Variants in KAZN observed in about 807,000 individuals in gnomAD.
KAZN encodes the protein kazrin, periplakin interacting protein, also known as kazrin.
In KAZN, 40 loss-of-function variants were observed where a neutral mutation model predicts 87.4. The ratio of observed to expected loss-of-function variants is 0.46; its 90% CI spans 0.36 to 0.60. KAZN has a LOEUF of 0.60. KAZN is among the 20% of genes least tolerant of loss of function. KAZN has a pLI of 0.00. For synonymous variants in KAZN, 466 were observed against 458.3 expected (o/e 1.02, Z -0.22); for missense variants, 898 against 1,073.9 (o/e 0.84, Z 2.29).
intron 2 of KAZN, among the ~76,000 whole-genome samples, chr1:14,311,263 A>G (rs1443640787): frequency 1.3e-5 from 2 of 152,122 alleles, no homozygotes; most frequent in African/African-American, 2.4e-5. Context: ...CTTATTAGCT[A>G]TGAGATATTG....
intron 2 of KAZN, among the ~76,000 whole-genome samples, chr1:14,392,615 G>GT (rs1662546784): frequency 6.6e-6 from 1 of 152,132 alleles, no homozygotes; most frequent in Non-Finnish European, 1.5e-5. Context: ...TTTGTTGTGG[G>GT]AGTGTCCTGT....
rs571283530 is a variant in KAZN at position 14,720,882 on chromosome 1, C to T, written c.226+121659C>T. 3.3e-3 allele frequency among the ~76,000 whole-genome samples: 509 copies of T among 152,252 alleles called. 1 individual carries two copies. The highest frequency in any genetic ancestry group is 5.8e-3 in the Non-Finnish European group (397 of 68,004). On this transcript the variant is annotated intron_variant, in intron 1 of 14. Transcript: ENST00000376030. ...CTACCGCGCCTGACCTTCCTTGCCA[C>T]TTTCCAAGGCATTTTTTTCTGCTGC... is the stretch of plus-strand genomic sequence containing the variant.
At chr1:14,872,907 G>A (rs948722681) in intron 1 of KAZN, among the ~76,000 whole-genome samples, 1 of 148,834 alleles carries the variant, frequency 6.7e-6, no homozygotes, top group African/African-American at 2.5e-5. Flanking sequence ...TGGATAAATG[G>A]ATGGTTGGGT....
intron 2 of KAZN, among the ~76,000 whole-genome samples, chr1:14,501,893 T>C (rs868324786): frequency 1.3e-5 from 2 of 152,236 alleles, no homozygotes; most frequent in Non-Finnish European, 2.9e-5. Context: ...TGATTTCACT[T>C]ATATGCAATA....
chr1:15,026,876 C>CG (rs1166750862), intron 2 of KAZN, among the ~76,000 whole-genome samples: 3 of 151,974 alleles, frequency 2.0e-5, no homozygotes, highest in Non-Finnish European at 2.9e-5. Flanking sequence ...TTACAGTACA[C>CG]GGGAGGACGT....
At chr1:15,092,620 C>T (rs1245386002) in intron 8 of KAZN, among the ~76,000 whole-genome samples, 1 of 152,102 alleles carries the variant, frequency 6.6e-6, no homozygotes, top group African/African-American at 2.4e-5. Flanking sequence ...CCCAGGCACA[C>T]GCCACCACGT....
At chr1:14,241,596 C>T (rs1320993937) in intron 2 of KAZN, among the ~76,000 whole-genome samples, 5 of 152,328 alleles carry the variant, frequency 3.3e-5, no homozygotes, top group African/African-American at 1.2e-4. Flanking sequence ...GAGCCAGCCA[C>T]GGTGCTGTTC....
upstream of KAZN, among the ~76,000 whole-genome samples, chr1:14,596,747 G>A (rs1676535767): frequency 6.6e-6 from 1 of 152,106 alleles, no homozygotes; most frequent in Non-Finnish European, 1.5e-5. Flanking sequence ...ATAATGTTTT[G>A]GAGCTTCATC....
intron 2 of KAZN, among the ~76,000 whole-genome samples, chr1:15,031,558 TTGTGTTG>T (rs1671701541): frequency 7.4e-6 from 1 of 134,332 alleles, no homozygotes; most frequent in African/African-American, 3.8e-5. Flanking sequence ...TCAGGGTGTG[TTGTGTTG>T]TGTTGTGTTG....
chr1:14,320,563 C>T (rs1025051238), intron 2 of KAZN, among the ~76,000 whole-genome samples: 1 of 152,110 alleles, frequency 6.6e-6, no homozygotes, highest in Non-Finnish European at 1.5e-5. Context: ...TCTGAGACCT[C>T]CAGCATCCTC....
intron 1 of KAZN, among the ~76,000 whole-genome samples, chr1:14,007,070 A>T (rs1214056354): frequency 6.6e-6 from 1 of 151,726 alleles, no homozygotes; most frequent in African/African-American, 2.4e-5. Context: ...TTTATTTCTA[A>T]GTGTTTTATT....
intron 1 of KAZN, among the ~76,000 whole-genome samples, chr1:14,652,016 C>T (rs1323735321): frequency 1.3e-5 from 2 of 152,186 alleles, no homozygotes; most frequent in African/African-American, 4.8e-5. Flanking sequence ...TAAATTAATT[C>T]CTACAGAACA....
intron 1 of KAZN, among the ~76,000 whole-genome samples, chr1:14,861,251 C>T (rs574711048): frequency 2.6e-5 from 4 of 152,156 alleles, no homozygotes; most frequent in Admixed American, 6.5e-5. Flanking sequence ...GGTGACTCAA[C>T]GCCTGTAGTC....
intron 1 of KAZN, among the ~76,000 whole-genome samples, chr1:14,013,390 A>T (rs1640411693): frequency 6.6e-6 from 1 of 152,194 alleles, no homozygotes; most frequent in Admixed American, 6.5e-5. Context: ...CTTGCGATGA[A>T]AACCTTTTAA....
intron 2 of KAZN, among the ~76,000 whole-genome samples, chr1:14,207,173 A>C (rs927097068): frequency 6.6e-6 from 1 of 152,116 alleles, no homozygotes; most frequent in Non-Finnish European, 1.5e-5. Flanking sequence ...CATGTTGGCC[A>C]GGCTGGTCTC....
chr1:14,169,129 A>C (rs1021381261), intron 1 of KAZN, among the ~76,000 whole-genome samples: 3 of 152,160 alleles, frequency 2.0e-5, no homozygotes, highest in African/African-American at 7.2e-5. Context: ...ACAGAAACCA[A>C]ATGAAGCTGG....
At chr1:14,644,088 T>A (rs1460503358) in intron 1 of KAZN, among the ~76,000 whole-genome samples, 2 of 143,960 alleles carry the variant, frequency 1.4e-5, no homozygotes, top group Non-Finnish European at 3.0e-5. Flanking sequence ...CTCCGCTCAC[T>A]GCAACCTCCA....
chr1:14,211,333 G>A (rs1023361735), intron 2 of KAZN, among the ~76,000 whole-genome samples: 1 of 152,116 alleles, frequency 6.6e-6, no homozygotes, highest in African/African-American at 2.4e-5. Context: ...CCATTCTCTC[G>A]CCTCAGCCTC....
At chr1:14,193,109 CT>C (rs1390992284) in intron 2 of KAZN, among the ~76,000 whole-genome samples, 4 of 152,286 alleles carry the variant, frequency 2.6e-5, no homozygotes, top group African/African-American at 4.8e-5. Flanking sequence ...GTTCTTCCCC[CT>C]GTACTTCTCC....
Sources: allele counts gnomAD v4.1 joint callset (sites outside exome capture counted in the v4.1 genomes callset), GRCh38; gene constraint gnomAD v4.1.1; transcripts MANE v1.5; gene names NCBI Gene and HGNC (gene_info 2026-07-23, HGNC 2026-07-21).